The following SNAP47 variants were observed in gnomAD, a reference collection of about 807,000 sequenced individuals.
SNAP47 encodes the protein synaptosomal-associated protein 47.
A neutral mutation model predicts 31.4 loss-of-function variants in SNAP47; 20 were observed. That is an observed-to-expected ratio of 0.64 (90% CI 0.45 to 0.93). SNAP47 has a LOEUF of 0.93. Ranked by LOEUF, SNAP47 falls within the 40% of genes least tolerant of loss-of-function variation. The pLI is 0.00. For missense variants in SNAP47, 492 were observed against 528.5 expected, an observed-to-expected ratio of 0.93 and a Z score of 0.68; for synonymous variants, 194 against 213.4, an observed-to-expected ratio of 0.91 and a Z score of 0.79.
chr1:227,735,571 G>C, intron 1 of SNAP47, 72 bp downstream of exon 1: 1 of 1,342,374 alleles, frequency 7.4e-7, no homozygotes, highest in Non-Finnish European at 9.5e-7. Flanking sequence ...GGCTCAGTCC[G>C]CGCGCTGTGG....
upstream of SNAP47, chr1:227,730,666 T>C (rs1660582446): frequency 6.6e-6 from 1 of 152,244 alleles, no homozygotes; most frequent in South Asian, 2.1e-4. Context: ...GGAGCGTCTG[T>C]GCACTGCCTC....
chr1:227,747,054 G>C (rs1214690318), intron 1 of SNAP47: 1 of 152,266 alleles, frequency 6.6e-6, no homozygotes, highest in African/African-American at 2.4e-5. Flanking sequence ...ATTGCTTGCA[G>C]CTATGTAAAA....
chr1:227,745,993 C>T (rs1204694618), intron 1 of SNAP47: 2 of 152,264 alleles, frequency 1.3e-5, no homozygotes, highest in Admixed American at 6.5e-5. Flanking sequence ...CGGGATTTCT[C>T]ATTGATTAGC....
At chr1:227,780,320 C>T (rs772728545) in intron 4 of SNAP47, among the ~76,000 whole-genome samples, 3 of 152,216 alleles carry the variant, frequency 2.0e-5, no homozygotes, top group Non-Finnish European at 4.4e-5. Flanking sequence ...GTGGGGCAGG[C>T]ACCTCATCTC....
intron 4 of SNAP47, among the ~76,000 whole-genome samples, chr1:227,773,060 A>C (rs1663924756): frequency 6.6e-6 from 1 of 151,492 alleles, no homozygotes. Context: ...TCCCAGGCTC[A>C]GGTGATTCTC....
chr1:227,737,129 C>T (rs939395207), intron 1 of SNAP47, among the ~76,000 whole-genome samples: 1 of 152,118 alleles, frequency 6.6e-6, no homozygotes, highest in African/African-American at 2.4e-5. Context: ...GGCCAGGACA[C>T]GAAAGTGGGG....
chr1:227,735,330 T>G (rs754278204), upstream of SNAP47: 3 of 1,600,112 alleles, frequency 1.9e-6, no homozygotes, highest in Non-Finnish European at 2.5e-6. Flanking sequence ...GCGGAAACGG[T>G]GAGGACCAGC....
intron 2 of SNAP47, among the ~76,000 whole-genome samples, chr1:227,755,665 TGAGCCA>T (rs1662651069): frequency 6.6e-6 from 1 of 152,186 alleles, no homozygotes; most frequent in African/African-American, 2.4e-5. Flanking sequence ...ATTATAGGCG[TGAGCCA>T]CCATACCCAG....
At position 227,771,202 on chromosome 1, in the gene SNAP47, G is replaced by A. The variant is rs144937060; in HGVS notation, c.1113+4119G>A. Reference sequence around the variant, plus strand: ...GCTGTTCATGTCAAGTGTTCATCACGACACAGGCAGGAGGTCAATATTTTG... The same window carrying A: ...GCTGTTCATGTCAAGTGTTCATCACAACACAGGCAGGAGGTCAATATTTTG... On this transcript the variant is annotated intron_variant, in intron 4 of 4. Coordinates refer to ENST00000617596, the MANE Select transcript of SNAP47 (RefSeq NM_053052.4). 5.4e-4 allele frequency among the ~76,000 whole-genome samples: 83 copies of A among 152,326 alleles called. 1 individual carries two copies. Among genetic ancestry groups the A allele is most frequent in the African/African-American group, 1.8e-3 (75 of 41,578 alleles).
Position 227,747,895 on chromosome 1 carries a change from A to G in SNAP47, c.159A>G (p.Ile53Met), listed in dbSNP as rs1408039920. Residue 53 changes from isoleucine (I) to methionine (M), a missense_variant, in exon 2 of 5, where the codon ATA (isoleucine) becomes ATG (methionine). Ile to Met is a conservative substitution (Grantham distance 10, BLOSUM62 1). Coordinates refer to ENST00000617596, the MANE Select transcript of SNAP47 (RefSeq NM_053052.4). Reference protein sequence around the residue: ...EILVSFPLSSIVEIKKEASHF... With the variant: ...EILVSFPLSSMVEIKKEASHF... ...TGGTCAGCTTCCCCCTCTCCAGCAT[A>G]GTTGAGATCAAGAAGGAGGCTTCAC... 6.2e-7 allele frequency: 1 copy of G among 1,614,048 alleles called. No homozygotes were observed. Among genetic ancestry groups the G allele is most frequent in the Non-Finnish European group, 8.5e-7 (1 of 1,180,036 alleles).
At chr1:227,731,382 C>T (rs969154587), upstream of SNAP47, 1 of 152,262 alleles carries the variant, frequency 6.6e-6, no homozygotes, top group Non-Finnish European at 1.5e-5. Context: ...AGCCATGGCA[C>T]GTGCCGTCCC....
At chr1:227,732,005 A>C, upstream of SNAP47, 1 of 277,214 alleles carries the variant, frequency 3.6e-6, no homozygotes, top group African/African-American at 2.1e-5. Flanking sequence ...GGGCAGAGCC[A>C]GGGGTGGTCC....
At chr1:227,749,266 T>C (rs549314848) in intron 2 of SNAP47, among the ~76,000 whole-genome samples, 3 of 151,554 alleles carry the variant, frequency 2.0e-5, no homozygotes, top group African/African-American at 7.2e-5. Flanking sequence ...GGCTGTTTAC[T>C]GGGACCCTCA....
rs1174646887 is a variant in SNAP47 at position 227,780,938 on chromosome 1, C to G, written c.*265C>G. On this transcript the variant is annotated 3_prime_UTR_variant, in exon 5 of 5. Coordinates refer to ENST00000617596, the MANE Select transcript of SNAP47 (RefSeq NM_053052.4). ...AGAAGTGTGGACCATGGCGGGACCC[C>G]AAGGACACTTGGCACAGGCCTGGAA... 1.2e-5 allele frequency: 6 copies of G among 498,968 alleles called. No homozygotes were observed. Among genetic ancestry groups the G allele is most frequent in the Non-Finnish European group, 2.2e-5 (6 of 278,624 alleles). The allele number at this position is 498,968 out of a possible 1,614,324, so 30.9% of individuals were successfully genotyped here. A position where few individuals can be genotyped will look rare whatever the true frequency, so the allele number is the denominator to read the frequency against.
upstream of SNAP47, chr1:227,733,292 G>A (rs1276419873): frequency 1.3e-5 from 14 of 1,077,180 alleles, no homozygotes; most frequent in Non-Finnish European, 1.7e-5. Context: ...CTTGTGAAGG[G>A]GTCAGCCTCA....
At chr1:227,768,016 A>G (rs745319770) in intron 4 of SNAP47, among the ~76,000 whole-genome samples, 2 of 152,260 alleles carry the variant, frequency 1.3e-5, no homozygotes, top group Admixed American at 6.5e-5. Flanking sequence ...GTACTCAGTC[A>G]TCATATCACT....
At chr1:227,777,911 C>T (rs1278767270) in intron 4 of SNAP47, among the ~76,000 whole-genome samples, 1 of 152,192 alleles carries the variant, frequency 6.6e-6, no homozygotes, top group Non-Finnish European at 1.5e-5. Flanking sequence ...TGAGTGTATC[C>T]TCAGGACCGG....
upstream of SNAP47, chr1:227,732,686 G>C (rs1660744023): frequency 4.3e-6 from 7 of 1,611,326 alleles, no homozygotes; most frequent in Non-Finnish European, 5.9e-6. Flanking sequence ...CCTGGGCAGA[G>C]GGAAGAGGCC....
chr1:227,743,802 C>T (rs1232710581), intron 1 of SNAP47: 2 of 152,262 alleles, frequency 1.3e-5, no homozygotes, highest in Non-Finnish European at 2.9e-5. Flanking sequence ...GTTCCTTGAG[C>T]TTTCACCACA....
Sources: allele counts gnomAD v4.1 joint callset (sites outside exome capture counted in the v4.1 genomes callset), GRCh38; gene constraint gnomAD v4.1.1; transcripts MANE v1.5; gene names NCBI Gene and HGNC (gene_info 2026-07-23, HGNC 2026-07-21).